Variants in DCHS2 observed in about 807,000 individuals in gnomAD.
DCHS2 encodes the protein dachsous cadherin-related 2.
Under a neutral mutation model 182.4 loss-of-function variants are expected in DCHS2, and 142 were observed. The ratio of observed to expected loss-of-function variants is 0.78; its 90% CI spans 0.68 to 0.89. DCHS2 has a LOEUF of 0.89. Ranked by LOEUF, DCHS2 falls within the 40% of genes least tolerant of loss-of-function variation. The probability of loss-of-function intolerance (pLI) is 0.00; values close to 1 mark genes in which losing one functional copy is unlikely to be tolerated. For synonymous variants in DCHS2, 1,740 were observed against 1,663.3 expected (o/e 1.05, Z -1.12); for missense variants, 4,319 against 4,198.6 (o/e 1.03, Z -0.79).
At chr4:154,401,564 T>C (rs904799728) in intron 1 of DCHS2, among the ~76,000 whole-genome samples, 1 of 152,266 alleles carries the variant, frequency 6.6e-6, no homozygotes, top group African/African-American at 2.4e-5. Flanking sequence ...ATTTTCTTAA[T>C]GATGTCTTTT....
chr4:154,309,912 G>T (rs1479502181), intron 10 of DCHS2, among the ~76,000 whole-genome samples: 1 of 152,148 alleles, frequency 6.6e-6, no homozygotes, highest in Non-Finnish European at 1.5e-5. Context: ...TTTTTCAAAG[G>T]ACTAGGAAAT....
chr4:154,235,420 T>C lies in DCHS2; in HGVS notation c.9232A>G (p.Met3078Val). The change falls in exon 20 of 20, where the codon ATG becomes GTG. Residue 3078 changes from methionine to valine, a missense_variant. Coordinates refer to ENST00000357232, the MANE Select transcript of DCHS2 (RefSeq NM_001358235.2). ...TPEWLSLISI[M>V]EKDIVNLYRH... The stretch of plus-strand genomic sequence containing the variant: ...TACAGATTGACAATATCCTTCTCCA[T>C]GATACTTATTAAACTCAACCATTCC... 2 of 1,614,086 alleles carry C rather than the reference T, an allele frequency of 1.2e-6. No homozygotes were observed. The highest frequency in any genetic ancestry group is 1.7e-6 in the Non-Finnish European group (2 of 1,179,972).
intron 11 of DCHS2, 69 bp downstream of exon 11, chr4:154,305,028 C>A: frequency 6.6e-7 from 1 of 1,508,262 alleles, no homozygotes; most frequent in South Asian, 1.3e-5. Context: ...AACATTTCAC[C>A]ACTTAACAGG....
At chr4:154,455,778 G>A (rs899223302) in intron 1 of DCHS2, among the ~76,000 whole-genome samples, 3 of 152,162 alleles carry the variant, frequency 2.0e-5, no homozygotes, top group Admixed American at 2.0e-4. Context: ...CCATGCTATA[G>A]GATTTACAAG....
chr4:154,265,806 C>T (rs1211288752), intron 14 of DCHS2, among the ~76,000 whole-genome samples: 2 of 152,046 alleles, frequency 1.3e-5, no homozygotes. Flanking sequence ...AAGGGGCACA[C>T]AGAGGCTTTC....
chr4:154,410,475 A>G (rs1732579207), intron 1 of DCHS2, among the ~76,000 whole-genome samples: 1 of 148,434 alleles, frequency 6.7e-6, no homozygotes, highest in Admixed American at 6.7e-5. Context: ...GAGGGCAAAA[A>G]AAAAAAAAAA....
At position 154,444,836 on chromosome 4, in the gene DCHS2, C is replaced by T. The variant is rs142003937; in HGVS notation, c.2052+44468G>A. Among the ~76,000 whole-genome samples the T allele has an allele frequency of 2.2e-4, 33 of 152,302 alleles. No individual in the cohort carries two copies. The East Asian group carries it at 3.5e-3, about 16-fold the overall frequency. On this transcript the variant is annotated intron_variant, in intron 1 of 19. Transcript: ENST00000357232. ...TGACCATCTCTCCACATCTCTTCCA[C>T]GCGCCCCGTTCATTCCTCATTTAGC... is the stretch of plus-strand genomic sequence containing the variant.
rs1731334668 is a variant in DCHS2 at position 154,234,296 on chromosome 4, A to ACTT, written c.*237_*239dup. 1 of 477,784 alleles carries ACTT rather than the reference A, an allele frequency of 2.1e-6. No homozygotes were observed. The highest frequency in any genetic ancestry group is 3.9e-5 in the Admixed American group (1 of 25,508). 29.6% of individuals were successfully genotyped at this position (477,784 alleles called of 1,614,324 possible). A position where few individuals can be genotyped will look rare whatever the true frequency, so the allele number is the denominator to read the frequency against. ...CAACAGGTCTGACAGAATATACACT[A>ACTT]CTTAATATATACAAATGTGAGTCCT... On this transcript the variant is annotated 3_prime_UTR_variant, in exon 20 of 20. Coordinates refer to ENST00000357232, the MANE Select transcript of DCHS2 (RefSeq NM_001358235.2).
intron 14 of DCHS2, chr4:154,269,412 G>A (rs1733463220): frequency 6.5e-6 from 1 of 154,226 alleles, no homozygotes; most frequent in South Asian, 2.0e-4. Flanking sequence ...TCTTACTGAA[G>A]CTAAGTTTAA....
intron 1 of DCHS2, among the ~76,000 whole-genome samples, chr4:154,384,659 A>G (rs938807199): frequency 3.3e-5 from 5 of 152,172 alleles, no homozygotes; most frequent in Non-Finnish European, 5.9e-5. Flanking sequence ...TATCCAACAA[A>G]TGTCCTCACA....
At chr4:154,247,918 G>A (rs915349251) in intron 16 of DCHS2, among the ~76,000 whole-genome samples, 19 of 152,148 alleles carry the variant, frequency 1.2e-4, no homozygotes, top group African/African-American at 2.2e-4. Flanking sequence ...GCCTGACCTC[G>A]GAGAGCTATA....
rs1402329208 is a variant in DCHS2, at chr4:154,374,002, C to A, written c.2244+3251G>T. ...TTTTTGGAGGTGGATATTTTAATAGCAAAAAAAAAAAAAAAAAAAAAAACT... is the reference window on the plus strand; with the variant it reads ...TTTTTGGAGGTGGATATTTTAATAGAAAAAAAAAAAAAAAAAAAAAAAACT... On this transcript the variant is annotated intron_variant, in intron 2 of 19. Coordinates refer to ENST00000357232, the MANE Select transcript of DCHS2 (RefSeq NM_001358235.2). 1,653 of 596,254 alleles carry A rather than the reference C, an allele frequency of 2.8e-3. No homozygotes were observed. Among genetic ancestry groups the A allele is most frequent in the South Asian group, 5.8e-3 (224 of 38,918 alleles). The allele number at this position is 596,254 out of a possible 1,614,324, so 36.9% of individuals were successfully genotyped here.
intron 13 of DCHS2, among the ~76,000 whole-genome samples, chr4:154,276,262 T>G (rs1733849252): frequency 6.6e-6 from 1 of 152,196 alleles, no homozygotes; most frequent in South Asian, 2.1e-4. Context: ...TTTTACATTT[T>G]CAAGCTTTTA....
At chr4:154,249,731 T>A (rs556236840) in intron 16 of DCHS2, among the ~76,000 whole-genome samples, 21 of 152,278 alleles carry the variant, frequency 1.4e-4, no homozygotes, top group African/African-American at 4.6e-4. Flanking sequence ...AATAAAATCA[T>A]GTCTTTTGCA....
chr4:154,311,422 G>T (rs568887886), intron 10 of DCHS2, among the ~76,000 whole-genome samples: 2 of 151,226 alleles, frequency 1.3e-5, no homozygotes, highest in South Asian at 2.1e-4. Flanking sequence ...TTTTGTAAAG[G>T]TGAGGTCTTG....
At chr4:154,326,383 C>G (rs1471204004) in intron 7 of DCHS2, among the ~76,000 whole-genome samples, 1 of 152,150 alleles carries the variant, frequency 6.6e-6, no homozygotes, top group African/African-American at 2.4e-5. Context: ...CTTTTCCCAA[C>G]TTGTGACTTG....
intron 1 of DCHS2, among the ~76,000 whole-genome samples, chr4:154,390,106 T>TA (rs1560729393): frequency 6.6e-5 from 10 of 151,464 alleles, no homozygotes; most frequent in African/African-American, 1.9e-4. Flanking sequence ...TTTTTAAATT[T>TA]TTTTATTTTT....
At chr4:154,406,428 C>A (rs906159066) in intron 1 of DCHS2, among the ~76,000 whole-genome samples, 5 of 152,236 alleles carry the variant, frequency 3.3e-5, no homozygotes, top group Non-Finnish European at 5.9e-5. Context: ...GAATCCCAGT[C>A]CTGCTCTGCC....
At chr4:154,282,405 CAAACGGTCAATATCATTA>C (rs1561009302) in intron 13 of DCHS2, among the ~76,000 whole-genome samples, 1 of 151,558 alleles carries the variant, frequency 6.6e-6, no homozygotes, top group Non-Finnish European at 1.5e-5. Context: ...AGACGATATC[CAAACGGTCAATATCATTA>C]AATATCAGGG....
Sources: gnomAD v4.1 joint callset for allele counts (sites outside exome capture counted in the v4.1 genomes callset) on GRCh38, gnomAD v4.1.1 for gene constraint, MANE v1.5 for transcripts, NCBI Gene and HGNC (gene_info 2026-07-23, HGNC 2026-07-21) for gene names.